The following TMEM108 variants were observed in gnomAD, a reference collection of about 807,000 sequenced individuals.
TMEM108 encodes the protein cancer/testis antigen 124.
TMEM108 carries 12 observed loss-of-function variants against 35.1 expected under a neutral mutation model. That is an observed-to-expected ratio of 0.34 (90% CI 0.22 to 0.55). The LOEUF (loss-of-function observed/expected upper bound fraction) is 0.55. TMEM108 is among the 20% of genes least tolerant of loss of function. TMEM108 has a pLI of 0.89. For synonymous variants in TMEM108, 287 were observed against 308.6 expected, an observed-to-expected ratio of 0.93 and a Z score of 0.73; for missense variants, 680 against 753.3, an observed-to-expected ratio of 0.90 and a Z score of 1.14.
intron 3 of TMEM108, among the ~76,000 whole-genome samples, chr3:133,287,488 T>C (rs1354890084): frequency 6.6e-6 from 1 of 152,220 alleles, no homozygotes; most frequent in Non-Finnish European, 1.5e-5. Flanking sequence ...TGGAGGTTAA[T>C]AGAGTTACTT....
chr3:133,297,559 G>A (rs1947163530), intron 3 of TMEM108, among the ~76,000 whole-genome samples: 1 of 152,174 alleles, frequency 6.6e-6, no homozygotes, highest in Admixed American at 6.5e-5. Context: ...GACTAAAAAT[G>A]CAGAATCCTG....
rs1945780117 is a variant in TMEM108, at chr3:133,207,804, T to C, written c.-46-21462T>C. 2.0e-5 allele frequency among the ~76,000 whole-genome samples: 3 copies of C among 152,304 alleles called. No homozygotes were observed. In the South Asian group the frequency reaches 6.2e-4, roughly 32 times the overall value. On this transcript the variant is annotated intron_variant, in intron 2 of 5. Coordinates refer to ENST00000321871, the MANE Select transcript of TMEM108 (RefSeq NM_023943.4). ...CCTAATAAGTCTAATAATGAAGATG[T>C]GTAGCATGTTAAAATTAGCCATTAG... is the stretch of plus-strand genomic sequence containing the variant.
At chr3:133,237,101 G>A (rs1207808584) in intron 3 of TMEM108, among the ~76,000 whole-genome samples, 5 of 152,114 alleles carry the variant, frequency 3.3e-5, no homozygotes, top group African/African-American at 4.8e-5. Context: ...ATTTGTCTGT[G>A]TCTCTCAGAG....
At chr3:133,241,875 A>C (rs1276746039) in intron 3 of TMEM108, among the ~76,000 whole-genome samples, 3 of 151,872 alleles carry the variant, frequency 2.0e-5, no homozygotes, top group African/African-American at 7.3e-5. Flanking sequence ...CAGCCTCCCA[A>C]AGTGCTGGGA....
chr3:133,390,074 C>A, intron 4 of TMEM108, 106 bp from the exon 5 acceptor site: 1 of 1,387,084 alleles, frequency 7.2e-7, no homozygotes, highest in Admixed American at 1.8e-5. Flanking sequence ...CCTTTTCCCA[C>A]CATACACTTA....
intron 2 of TMEM108, among the ~76,000 whole-genome samples, chr3:133,098,232 A>G (rs1944041652): frequency 6.6e-6 from 1 of 152,234 alleles, no homozygotes; most frequent in African/African-American, 2.4e-5. Context: ...GAGAAAAATG[A>G]GGAAGAAGCA....
rs60991711 is a variant in TMEM108 at position 133,342,555 on chromosome 3, T to TATATATATATATATATATATATATACAC, written c.41-37196_41-37195insTATATATATATATATATATATATACACA. Among the ~76,000 whole-genome samples, 509 of 63,324 alleles carry TATATATATATATATATATATATATACAC rather than the reference T, an allele frequency of 8.0e-3. 8 individuals are homozygous for TATATATATATATATATATATATATACAC. Among genetic ancestry groups the TATATATATATATATATATATATATACAC allele is most frequent in the Middle Eastern group, 0.016 (2 of 122 alleles). 41.5% of individuals were successfully genotyped at this position (63,324 alleles called of 152,430 possible). ...AAAAAGAAAATGTGGTATATATATA[T>TATATATATATATATATATATATATACAC]ACACACACACACACAATGGAGTACT... is the stretch of plus-strand genomic sequence containing the variant. On this transcript the variant is annotated intron_variant, in intron 3 of 5. Transcript: ENST00000321871.
intron 2 of TMEM108, among the ~76,000 whole-genome samples, chr3:133,062,700 G>T (rs1943549990): frequency 6.6e-6 from 1 of 152,220 alleles, no homozygotes; most frequent in Non-Finnish European, 1.5e-5. Flanking sequence ...AGCTTCTGTG[G>T]ATTCAAGTGA....
At chr3:133,347,612 T>C (rs1485147950) in intron 3 of TMEM108, among the ~76,000 whole-genome samples, 2 of 152,140 alleles carry the variant, frequency 1.3e-5, no homozygotes, top group Non-Finnish European at 2.9e-5. Context: ...TCAATCTGTA[T>C]ACTTGTAGTT....
At chr3:133,279,025 G>T (rs1182511967) in intron 3 of TMEM108, among the ~76,000 whole-genome samples, 1 of 152,214 alleles carries the variant, frequency 6.6e-6, no homozygotes, top group South Asian at 2.1e-4. Context: ...CTTTAAAGAG[G>T]CCTAAGGGGG....
intron 2 of TMEM108, among the ~76,000 whole-genome samples, chr3:133,139,750 G>C (rs1164635195): frequency 6.6e-6 from 1 of 152,102 alleles, no homozygotes; most frequent in African/African-American, 2.4e-5. Flanking sequence ...GTGTTTGCTC[G>C]TTCCAACCAG....
chr3:133,194,260 A>G (rs77939113), intron 2 of TMEM108, among the ~76,000 whole-genome samples: 1,687 of 152,098 alleles, frequency 0.011, 40 homozygotes, highest in African/African-American at 0.038. Context: ...AATCATATCA[A>G]CTTCTACTTA....
At chr3:133,262,485 A>G (rs1374725623) in intron 3 of TMEM108, among the ~76,000 whole-genome samples, 1 of 152,208 alleles carries the variant, frequency 6.6e-6, no homozygotes, top group Non-Finnish European at 1.5e-5. Flanking sequence ...CTGGTACCAG[A>G]CGTTACCATA....
chr3:133,063,184 A>C (rs1943555538), intron 2 of TMEM108, among the ~76,000 whole-genome samples: 1 of 152,152 alleles, frequency 6.6e-6, no homozygotes. Context: ...GTTAGGGCAG[A>C]GAACAGGGAC....
At chr3:133,087,175 C>T (rs980105070) in intron 2 of TMEM108, among the ~76,000 whole-genome samples, 9 of 152,234 alleles carry the variant, frequency 5.9e-5, no homozygotes, top group African/African-American at 1.2e-4. Context: ...TCATGTCCTC[C>T]GACTTTGACT....
intron 3 of TMEM108, among the ~76,000 whole-genome samples, chr3:133,352,839 G>C (rs1228620908): frequency 1.3e-5 from 2 of 152,060 alleles, no homozygotes; most frequent in African/African-American, 4.8e-5. Context: ...CATTACATAG[G>C]CATGCTTGGT....
At chr3:133,314,736 C>G (rs2071175472) in intron 3 of TMEM108, among the ~76,000 whole-genome samples, 1 of 152,148 alleles carries the variant, frequency 6.6e-6, no homozygotes, top group Non-Finnish European at 1.5e-5. Context: ...GATAGCTTTG[C>G]CCAAAAGTCT....
intron 3 of TMEM108, among the ~76,000 whole-genome samples, chr3:133,315,758 A>G (rs2071191414): frequency 6.6e-6 from 1 of 152,252 alleles, no homozygotes; most frequent in African/African-American, 2.4e-5. Context: ...ATCTTTGGGG[A>G]ATGAAAACTA....
At chr3:133,077,673 T>C (rs1032275891) in intron 2 of TMEM108, among the ~76,000 whole-genome samples, 2 of 152,196 alleles carry the variant, frequency 1.3e-5, no homozygotes, top group Non-Finnish European at 2.9e-5. Flanking sequence ...ACTTTCCCTT[T>C]TCTGTTTGTG....
Sources: allele counts gnomAD v4.1 joint callset (sites outside exome capture counted in the v4.1 genomes callset), GRCh38; gene constraint gnomAD v4.1.1; transcripts MANE v1.5; gene names NCBI Gene and HGNC (gene_info 2026-07-23, HGNC 2026-07-21).